Variants in NBEAL2 observed in about 807,000 individuals in gnomAD.
NBEAL2 encodes the protein neurobeachin-like protein 2.
In NBEAL2, 160 loss-of-function variants were observed where a neutral mutation model predicts 299.8. That is an observed-to-expected ratio of 0.53 (90% CI 0.47 to 0.61). NBEAL2 has a LOEUF of 0.61. NBEAL2 is among the 20% of genes least tolerant of loss of function. The pLI, the probability that NBEAL2 is intolerant of heterozygous loss-of-function variation, is 0.00. For synonymous variants in NBEAL2, 1,493 were observed against 1,542.3 expected (o/e 0.97, Z 0.75); for missense variants, 3,112 against 3,649.0 (o/e 0.85, Z 3.79).
Position 47,004,767 on chromosome 3 carries a change from C to T in NBEAL2, c.6294+177C>T, listed in dbSNP as rs2037299359. 1.0e-6 allele frequency: 1 copy of T among 981,886 alleles called. No homozygotes were observed. The highest frequency in any genetic ancestry group is 1.5e-6 in the Non-Finnish European group (1 of 655,796). 60.8% of individuals were successfully genotyped at this position (981,886 alleles called of 1,614,324 possible). The stretch of plus-strand genomic sequence containing the variant: ...CCCCCAGAGGTCCCCAGCCTCACTC[C>T]CTTCCCCTCCCTGCCTAGCCTCTAT... On this transcript the variant is annotated intron_variant, in intron 38 of 53. Transcript: ENST00000450053. The surrounding 1 kb of genome is among the most constrained non-coding windows in gnomAD (Gnocchi z 5.0).
In NBEAL2 at chr3:47,001,040, G is replaced by T. The variant is rs752327554; in HGVS notation, c.4345G>T (p.Val1449Leu). The T allele has an allele frequency of 1.9e-6, 3 of 1,612,424 alleles. No individual in the cohort carries two copies. The highest frequency in any genetic ancestry group is 2.5e-6 in the Non-Finnish European group (3 of 1,179,366). ...AGAGTTGTGCAATCTGCTCACCAAC[G>T]TGCTGTTCTCGGTGACGTGGCGTGG... Reference protein sequence around the residue: ...EEELCNLLTNVLFSVTWRGVE... With the variant: ...EEELCNLLTNLLFSVTWRGVE... The change falls in exon 28 of 54, where the codon GTG (valine) becomes TTG (leucine). Residue 1449 changes from valine (V) to leucine (L), a missense_variant. Physicochemically the swap from Val to Leu is conservative, Grantham distance 32. Coordinates refer to ENST00000450053, the MANE Select transcript of NBEAL2 (RefSeq NM_015175.3). This position sits in a 1 kb window ranked among gnomAD's most constrained non-coding sequence, Gnocchi z 6.1.
intron 1 of NBEAL2, chr3:46,987,919 G>A (rs930585021): frequency 1.9e-5 from 21 of 1,112,936 alleles, no homozygotes; most frequent in Admixed American, 1.2e-4. Flanking sequence ...GGGAGGAAGC[G>A]GTCCCCCTCC....
intron 11 of NBEAL2, 63 bp from the exon 12 acceptor site, chr3:46,994,392 G>A (rs2036318827): frequency 7.0e-7 from 1 of 1,437,638 alleles, no homozygotes. Flanking sequence ...AGTTTCCAGG[G>A]GGTCTGAGTT....
Position 46,995,788 on chromosome 3 carries a change from C to G in NBEAL2, c.1973C>G (p.Thr658Arg), listed in dbSNP as rs772546512. The G allele has an allele frequency of 2.5e-6, 4 of 1,613,854 alleles. No individual in the cohort carries two copies. The East Asian group carries it at 6.7e-5, about 27-fold the overall frequency. The stretch of plus-strand genomic sequence containing the variant: ...GGGACCCTGGTGGTGGCTGTGTGCA[C>G]ACGGAAGGAGTATTTGACCATGAGT... ...AAGTLVVAVC[T>R]RKEYLTMSLP... The change falls in exon 14 of 54, where the codon ACA becomes AGA. Residue 658 changes from threonine to arginine, a missense_variant. Thr to Arg is a moderately conservative substitution (Grantham distance 71, BLOSUM62 -1). Around this residue, in one of 3 missense-constraint regions of NBEAL2, gnomAD observed 2,243 missense variants for 2,538.1 expected, o/e 0.88. Coordinates refer to ENST00000450053, the MANE Select transcript of NBEAL2 (RefSeq NM_015175.3).
intron 22 of NBEAL2, 42 bp from the exon 23 acceptor site, chr3:46,998,675 C>T (rs1290473803): frequency 1.3e-6 from 2 of 1,556,490 alleles, no homozygotes; most frequent in Admixed American, 1.9e-5. Flanking sequence ...CTCTCCCCGC[C>T]TTTCTTTGGG....
In NBEAL2 at chr3:47,001,055, A is replaced by ACGTGG. The variant is rs1233482159; in HGVS notation, c.4371_4375dup (p.Glu1459AlafsTer43). 10 of 1,612,178 alleles carry ACGTGG rather than the reference A, an allele frequency of 6.2e-6. No homozygotes were observed. The highest frequency in any genetic ancestry group is 2.2e-5 in the East Asian group (1 of 44,840). Reference sequence around the variant, plus strand: ...GCTCACCAACGTGCTGTTCTCGGTGACGTGGCGTGGCGTGGAAGGCAGCGA... The same window carrying ACGTGG: ...GCTCACCAACGTGCTGTTCTCGGTGACGTGGCGTGGCGTGGCGTGGAAGGCAGCGA... On this transcript the variant is annotated frameshift_variant, in exon 28 of 54. Coordinates refer to ENST00000450053, the MANE Select transcript of NBEAL2 (RefSeq NM_015175.3). LOFTEE classifies it high-confidence loss of function. The surrounding 1 kb of genome is among the most constrained non-coding windows in gnomAD (Gnocchi z 6.1).
chr3:47,008,409 C>T lies in NBEAL2; in HGVS notation c.7846C>T (p.Gln2616Ter), dbSNP rs2037627430. ...ALGSEGQIVVQSSAWERPGAQ... is the reference protein window; with the variant it reads ...ALGSEGQIVV ...GGGGTCCGAAGGCCAGATTGTGGTA[C>T]AGAGCTCAGCGTGGGAACGTCCTGG... Residue 2616 changes from glutamine to a stop codon, truncating the protein, a stop_gained, in exon 51 of 54, where the codon CAG (glutamine) becomes TAG (stop). Coordinates refer to ENST00000450053, the MANE Select transcript of NBEAL2 (RefSeq NM_015175.3). LOFTEE classifies it high-confidence loss of function. 6.2e-7 allele frequency: 1 copy of T among 1,613,910 alleles called. No individual in the cohort carries two copies. Among genetic ancestry groups the T allele is most frequent in the Non-Finnish European group, 8.5e-7 (1 of 1,179,840 alleles).
chr3:47,001,638 ACT>A lies in NBEAL2; in HGVS notation c.4645-49_4645-48del. The A allele has an allele frequency of 6.3e-7, 1 of 1,596,798 alleles. No individual in the cohort carries two copies. Among genetic ancestry groups the A allele is most frequent in the Non-Finnish European group, 8.6e-7 (1 of 1,167,716 alleles). ...ACTTTACTTTGCTCCCTTTCCATGG[ACT>A]CCTGGCCTCCCCTGGTGATGTCTGT... is the stretch of plus-strand genomic sequence containing the variant. On this transcript the variant is annotated intron_variant, in intron 29 of 53. Coordinates refer to ENST00000450053, the MANE Select transcript of NBEAL2 (RefSeq NM_015175.3). The surrounding 1 kb of genome is among the most constrained non-coding windows in gnomAD (Gnocchi z 6.1).
chr3:46,990,323 C>T (rs1157467491), intron 6 of NBEAL2, among the ~76,000 whole-genome samples: 3 of 152,154 alleles, frequency 2.0e-5, no homozygotes, highest in African/African-American at 7.2e-5. Context: ...GTTATTAAAA[C>T]AAACTGGATT....
In NBEAL2 at chr3:46,998,225, C is replaced by T. The variant is rs373734740; in HGVS notation, c.3117C>T (p.Leu1039=). 2.7e-5 allele frequency: 44 copies of T among 1,608,446 alleles called. No individual in the cohort carries two copies. Among genetic ancestry groups the T allele is most frequent in the African/African-American group, 5.3e-5 (4 of 74,862 alleles). Residue 1039 remains leucine (L), a splice_region_variant and synonymous_variant, in exon 21 of 54, where the codon CTC becomes CTT. Transcript: ENST00000450053. ...CCCTCAGTGACTTCGCCGTGCGCCT[C>T]GGTAGGTGTGAGGACCTGAGCAAGG... ...LWTLSDFAVR[L]GHIQYMSSIV...
In NBEAL2 at chr3:46,992,383, G is replaced by T. The variant is rs143810591; in HGVS notation, c.1033-92G>T. 1.4e-3 allele frequency: 1,720 copies of T among 1,229,564 alleles called. 17 individuals are homozygous for T. In the African/African-American group the frequency reaches 0.021, roughly 15 times the overall value. 76.2% of individuals were successfully genotyped at this position (1,229,564 alleles called of 1,614,324 possible). On this transcript the variant is annotated intron_variant, in intron 9 of 53. Coordinates refer to ENST00000450053, the MANE Select transcript of NBEAL2 (RefSeq NM_015175.3). The stretch of plus-strand genomic sequence containing the variant: ...CTAGTGCCGGGCAGGGCACCTGGCA[G>T]CTGCCCCTGGTCCTGCTCTAACCCC...
intron 6 of NBEAL2, among the ~76,000 whole-genome samples, chr3:46,990,584 A>C (rs2036011315): frequency 6.6e-6 from 1 of 152,170 alleles, no homozygotes; most frequent in African/African-American, 2.4e-5. Context: ...ATCCAGCCGG[A>C]ATCAAGCCCC....
rs756652514 is a variant in NBEAL2 at position 47,001,886 on chromosome 3, G to T, written c.4783-34G>T. The T allele has an allele frequency of 1.2e-6, 2 of 1,607,210 alleles. No homozygotes were observed. The highest frequency in any genetic ancestry group is 4.5e-5 in the East Asian group (2 of 44,662). ...GTGAGATGTCGGGAGCTCCAAGAGTGGCTGGGTGCCACTCATCTCTCTTGC... is the reference window on the plus strand; with the variant it reads ...GTGAGATGTCGGGAGCTCCAAGAGTTGCTGGGTGCCACTCATCTCTCTTGC... On this transcript the variant is annotated intron_variant, in intron 30 of 53. Transcript: ENST00000450053. The surrounding 1 kb of genome is among the most constrained non-coding windows in gnomAD (Gnocchi z 6.1).
In NBEAL2 at chr3:46,995,075, G is replaced by A. The variant is rs17079425; in HGVS notation, c.1340G>A (p.Arg447His). ...DHSMCPPPPI[R>H]NEQPVLVLAQ... ...AGCATGTGCCCACCTCCACCAATCC[G>A]CAACGAGCAGCCGGTACTGGTGCTG... Residue 447 changes from arginine (R) to histidine (H), a missense_variant, in exon 13 of 54, where the codon CGC (arginine) becomes CAC (histidine). This residue lies in a region of NBEAL2 where 2,243 missense variants were observed against 2,538.1 expected (regional missense o/e 0.88). Transcript: ENST00000450053. The A allele has an allele frequency of 0.029, 45,107 of 1,558,994 alleles. 1,955 individuals carry two copies. Among genetic ancestry groups the A allele is most frequent in the Admixed American group, 0.18 (9,695 of 53,714 alleles).
In NBEAL2 at chr3:47,007,924, G is replaced by A; in HGVS notation, c.7602+14G>A. ...CTCCTGCATCAGGTGTGCCTCGTGG[G>A]CAGCTCTGTGGGGCCCCCGTAGCCC... On this transcript the variant is annotated intron_variant, in intron 49 of 53. Transcript: ENST00000450053. The A allele has an allele frequency of 1.2e-6, 2 of 1,609,180 alleles. No individual in the cohort carries two copies. Among genetic ancestry groups the A allele is most frequent in the Non-Finnish European group, 1.7e-6 (2 of 1,177,750 alleles).
At position 47,000,015 on chromosome 3, in the gene NBEAL2, TC is replaced by T; in HGVS notation, c.3920del (p.Pro1307GlnfsTer59). The T allele has an allele frequency of 2.5e-6, 4 of 1,612,322 alleles. No individual in the cohort carries two copies. The highest frequency in any genetic ancestry group is 3.4e-6 in the Non-Finnish European group (4 of 1,179,762). ...AATAGSPPPS[S>X]PESPTSPKPA... Reference sequence around the variant, plus strand: ...CACAGCCGGCAGCCCCCCTCCGTCTTCCCCAGAGTCACCTACCTCCCCCAAG... The same window carrying T: ...CACAGCCGGCAGCCCCCCTCCGTCTTCCCAGAGTCACCTACCTCCCCCAAG... On this transcript the variant is annotated frameshift_variant, in exon 27 of 54. Transcript: ENST00000450053. LOFTEE classifies it high-confidence loss of function. The surrounding 1 kb of genome is among the most constrained non-coding windows in gnomAD (Gnocchi z 4.5).
chr3:47,008,146 C>T lies in NBEAL2; in HGVS notation c.7679C>T (p.Ala2560Val). 1 of 1,613,990 alleles carries T rather than the reference C, an allele frequency of 6.2e-7. No individual in the cohort carries two copies. The highest frequency in any genetic ancestry group is 8.5e-7 in the Non-Finnish European group (1 of 1,179,886). The change falls in exon 50 of 54, where the codon GCC becomes GTC. Residue 2560 changes from alanine to valine, a missense_variant. Transcript: ENST00000450053. Reference sequence around the variant, plus strand: ...CATGGGGCTGCAGTGAGCTGTGTGGCCATCAGCACTGAACTTGACATGGCT... The same window carrying T: ...CATGGGGCTGCAGTGAGCTGTGTGGTCATCAGCACTGAACTTGACATGGCT... ...YGHGAAVSCV[A>V]ISTELDMAVS...
chr3:47,004,918 G>A lies in NBEAL2; in HGVS notation c.6295-54G>A, dbSNP rs185703659. On this transcript the variant is annotated intron_variant, in intron 38 of 53. Transcript: ENST00000450053. The surrounding 1 kb of genome is among the most constrained non-coding windows in gnomAD (Gnocchi z 5.0). The stretch of plus-strand genomic sequence containing the variant: ...CTTGAGGGTGTGGGCAGGGCAGGGT[G>A]GGCTGGTAGGCCATCAGGGCCCTCA... 2,621 of 1,566,778 alleles carry A rather than the reference G, an allele frequency of 1.7e-3. 33 individuals are homozygous for A. The highest frequency in any genetic ancestry group is 6.5e-4 in the Non-Finnish European group (757 of 1,156,198).
Position 46,988,602 on chromosome 3 carries a change from C to T in NBEAL2, c.52-67C>T. The T allele has an allele frequency of 7.2e-7, 1 of 1,385,566 alleles. No individual in the cohort carries two copies. Among genetic ancestry groups the T allele is most frequent in the Non-Finnish European group, 1.0e-6 (1 of 974,752 alleles). 85.8% of individuals were successfully genotyped at this position (1,385,566 alleles called of 1,614,324 possible). ...TCATTCTTCGCCTCTGTCTACATCCCCTTGTCCCTGCCCTGTTTACTGCAT... is the reference window on the plus strand; with the variant it reads ...TCATTCTTCGCCTCTGTCTACATCCTCTTGTCCCTGCCCTGTTTACTGCAT... On this transcript the variant is annotated intron_variant, in intron 1 of 53. Coordinates refer to ENST00000450053, the MANE Select transcript of NBEAL2 (RefSeq NM_015175.3). This position sits in a 1 kb window ranked among gnomAD's most constrained non-coding sequence, Gnocchi z 4.4.
Sources: gnomAD v4.1 joint callset for allele counts (sites outside exome capture counted in the v4.1 genomes callset) on GRCh38, gnomAD v4.1.1 for gene constraint, gnomAD v4.1.1 regional missense constraint, Gnocchi (gnomAD v3.1) non-coding constraint, MANE v1.5 for transcripts, NCBI Gene and HGNC (gene_info 2026-07-23, HGNC 2026-07-21) for gene names.